CLNK: variants seen among roughly 807,000 people sequenced by gnomAD.
CLNK encodes cytokine-dependent hematopoietic cell linker.
In CLNK, 74 loss-of-function variants were observed where a neutral mutation model predicts 68.6. The ratio of observed to expected loss-of-function variants is 1.08; its 90% CI spans 0.89 to 1.31. The LOEUF is 1.31. Ranked by LOEUF, CLNK falls within the 50% of genes most tolerant of loss-of-function variation. The pLI, the probability that CLNK is intolerant of heterozygous loss-of-function variation, is 0.00. For missense variants in CLNK, 553 were observed against 515.3 expected (o/e 1.07, Z -0.71); for synonymous variants, 198 against 172.2 (o/e 1.15, Z -1.17).
In CLNK at chr4:10,566,078, G is replaced by C. The variant is rs577423431; in HGVS notation, c.223C>G (p.Arg75Gly). 2.9e-5 allele frequency: 46 copies of C among 1,613,884 alleles called. No individual in the cohort carries two copies. The highest frequency in any genetic ancestry group is 3.9e-5 in the Non-Finnish European group (46 of 1,179,838). Reference protein sequence around the residue: ...SDDDYDDPELRMEETWQSIKI... With the variant: ...SDDDYDDPELGMEETWQSIKI... ...ATCGACTGCCATGTCTCTTCCATCC[G>C]AAGCTCAGGGTCATCATAGTCATCA... Residue 75 changes from arginine (R) to glycine (G), a missense_variant, in exon 6 of 19, where the codon CGG (arginine) becomes GGG (glycine). Coordinates refer to ENST00000226951, the MANE Select transcript of CLNK (RefSeq NM_052964.4).
At chr4:10,733,679 G>A in the CLNK span, among the ~76,000 whole-genome samples, 2 of 152,200 alleles carry the variant, frequency 1.3e-5, no homozygotes, top group Non-Finnish European at 1.5e-5. Context: ...TCTGCCATAT[G>A]CCAGGCACCA....
chr4:10,703,121 G>C, the CLNK span, among the ~76,000 whole-genome samples: 4 of 152,164 alleles, frequency 2.6e-5, no homozygotes, highest in South Asian at 2.1e-4. Flanking sequence ...CCAAAGATGA[G>C]AGTAGGCATG....
chr4:10,563,110 G>C (rs559281726), intron 7 of CLNK, among the ~76,000 whole-genome samples: 1 of 152,098 alleles, frequency 6.6e-6, no homozygotes, highest in Non-Finnish European at 1.5e-5. Flanking sequence ...GTAAATGGTC[G>C]GTGTTGCTTG....
intron 4 of CLNK, among the ~76,000 whole-genome samples, chr4:10,577,913 C>T (rs907756181): frequency 3.4e-4 from 52 of 152,204 alleles, no homozygotes; most frequent in African/African-American, 1.1e-3. Flanking sequence ...ATCAAAGGCA[C>T]GAGGAAGGCA....
rs182421481 is a variant in CLNK at position 10,562,584 on chromosome 4, T to G, written c.399+2087A>C. 2.3e-3 allele frequency among the ~76,000 whole-genome samples: 350 copies of G among 152,240 alleles called. 1 individual carries two copies. Among genetic ancestry groups the G allele is most frequent in the Non-Finnish European group, 4.1e-3 (280 of 68,018 alleles). ...CCACACCCGGCTAATTTTTCTATTT[T>G]TAGTAGAGATGGAGTTTTACCATGT... On this transcript the variant is annotated intron_variant, in intron 7 of 18. Transcript: ENST00000226951.
the CLNK span, among the ~76,000 whole-genome samples, chr4:10,700,708 A>G: frequency 6.6e-6 from 1 of 152,160 alleles, no homozygotes; most frequent in African/African-American, 2.4e-5. Context: ...AGGAGTTTAC[A>G]TTCTTCTGTA....
chr4:10,610,701 G>C (rs938228280), intron 2 of CLNK, among the ~76,000 whole-genome samples: 2 of 151,476 alleles, frequency 1.3e-5, no homozygotes, highest in Non-Finnish European at 2.9e-5. Flanking sequence ...ACGTGTTCCT[G>C]GTGGTTTAAT....
intron 2 of CLNK, among the ~76,000 whole-genome samples, chr4:10,657,638 A>T (rs1724036514): frequency 6.6e-6 from 1 of 152,218 alleles, no homozygotes; most frequent in Non-Finnish European, 1.5e-5. Flanking sequence ...TATTCACAGA[A>T]TTTTTGTTCA....
chr4:10,493,330 C>A (rs982944161), intron 18 of CLNK, among the ~76,000 whole-genome samples: 5 of 151,908 alleles, frequency 3.3e-5, no homozygotes, highest in African/African-American at 9.7e-5. Flanking sequence ...AAACAAACAA[C>A]AACAAAAAGT....
At chr4:10,725,817 G>C in the CLNK span, among the ~76,000 whole-genome samples, 2 of 151,426 alleles carry the variant, frequency 1.3e-5, no homozygotes, top group Admixed American at 6.6e-5. Context: ...ATGCGCCACT[G>C]CACTCCAGCC....
intron 3 of CLNK, among the ~76,000 whole-genome samples, chr4:10,585,257 A>G (rs1342420961): frequency 6.6e-6 from 1 of 152,242 alleles, no homozygotes; most frequent in Non-Finnish European, 1.5e-5. Context: ...GCATACATTT[A>G]AACACATATA....
At chr4:10,506,299 A>G (rs2109029828) in intron 17 of CLNK, among the ~76,000 whole-genome samples, 1 of 152,330 alleles carries the variant, frequency 6.6e-6, no homozygotes, top group Middle Eastern at 3.4e-3. Context: ...TGAAAGCAGA[A>G]GTAAAATATG....
intron 8 of CLNK, among the ~76,000 whole-genome samples, chr4:10,551,700 C>A (rs530528837): frequency 1.3e-5 from 2 of 152,150 alleles, no homozygotes; most frequent in South Asian, 2.1e-4. Context: ...ATGGGGCTTA[C>A]GGGCTTATTG....
At chr4:10,586,917 G>A (rs1274121862) in intron 3 of CLNK, among the ~76,000 whole-genome samples, 1 of 151,192 alleles carries the variant, frequency 6.6e-6, no homozygotes, top group Non-Finnish European at 1.5e-5. Flanking sequence ...CCATTTATGT[G>A]TCTTCTTTCG....
At chr4:10,599,296 C>T (rs1208470057) in intron 2 of CLNK, among the ~76,000 whole-genome samples, 1 of 152,180 alleles carries the variant, frequency 6.6e-6, no homozygotes, top group Non-Finnish European at 1.5e-5. Context: ...ACTTGAGGCT[C>T]TCTCTTCATC....
In CLNK at chr4:10,488,264, A is replaced by G. The variant is rs534011617; in HGVS notation, c.*2203T>C. 6 of 152,346 alleles carry G rather than the reference A, an allele frequency of 3.9e-5. No homozygotes were observed. Among genetic ancestry groups the G allele is most frequent in the Admixed American group, 3.3e-4 (5 of 15,300 alleles). The allele number at this position is 152,346 out of a possible 1,614,324, so 9.4% of individuals were successfully genotyped here. A position where few individuals can be genotyped will look rare whatever the true frequency, so the allele number is the denominator to read the frequency against. ...TATCAAATGCTAACCCCCACTTGAC[A>G]TTCACCTATTTTATCAACAGCAATG... On this transcript the variant is annotated 3_prime_UTR_variant, in exon 19 of 19. Coordinates refer to ENST00000226951, the MANE Select transcript of CLNK (RefSeq NM_052964.4).
the CLNK span, among the ~76,000 whole-genome samples, chr4:10,714,683 G>GGT: frequency 0.38 from 56,603 of 148,454 alleles, 11,500 homozygotes; most frequent in East Asian, 0.53. Context: ...CATTCATTGT[G>GGT]GTGTGTGTGT....
At chr4:10,560,741 G>A (rs932651640) in intron 7 of CLNK, among the ~76,000 whole-genome samples, 1 of 152,186 alleles carries the variant, frequency 6.6e-6, no homozygotes, top group African/African-American at 2.4e-5. Context: ...ATCACACCTG[G>A]CTGGAGATCC....
chr4:10,648,214 C>A (rs908138062), intron 2 of CLNK, among the ~76,000 whole-genome samples: 2 of 152,142 alleles, frequency 1.3e-5, no homozygotes, highest in African/African-American at 4.8e-5. Flanking sequence ...AGACCTTTCC[C>A]ATGTACTATC....
Sources: gnomAD v4.1 joint callset for allele counts (sites outside exome capture counted in the v4.1 genomes callset) on GRCh38, gnomAD v4.1.1 for gene constraint, MANE v1.5 for transcripts, NCBI Gene and HGNC (gene_info 2026-07-23, HGNC 2026-07-21) for gene names.